Variants in DACH1 observed in about 807,000 individuals in gnomAD.
The protein encoded by DACH1 is dachshund homolog 1.
In DACH1, 12 loss-of-function variants were observed where a neutral mutation model predicts 54.2. That is an observed-to-expected ratio of 0.22 (90% CI 0.14 to 0.36). The LOEUF (loss-of-function observed/expected upper bound fraction) is 0.36. Ranked by LOEUF, DACH1 falls within the 10% of genes least tolerant of loss-of-function variation. The probability of loss-of-function intolerance (pLI) is 1.00; values close to 1 mark genes in which losing one functional copy is unlikely to be tolerated. For synonymous variants in DACH1, 386 were observed against 366.2 expected, an observed-to-expected ratio of 1.05 and a Z score of -0.62; for missense variants, 805 against 929.8, an observed-to-expected ratio of 0.87 and a Z score of 1.75.
chr13:71,506,813 C>A lies in DACH1; in HGVS notation c.1571-17665G>T, dbSNP rs575561364. Among the ~76,000 whole-genome samples the A allele has an allele frequency of 2.0e-5, 3 of 151,704 alleles. No individual in the cohort carries two copies. In the South Asian group the frequency reaches 6.3e-4, roughly 32 times the overall value. On this transcript the variant is annotated intron_variant, in intron 6 of 10. Coordinates refer to ENST00000613252, the MANE Select transcript of DACH1 (RefSeq NM_080759.6). ...AAAAACAAGCAATGGGGAAAGGATT[C>A]CCTATTTAATAAATGGTGCTGGGAA...
At chr13:71,816,186 A>T (rs990335013) in intron 1 of DACH1, among the ~76,000 whole-genome samples, 2 of 152,210 alleles carry the variant, frequency 1.3e-5, no homozygotes, top group African/African-American at 4.8e-5. Flanking sequence ...TCAAAGAGGA[A>T]AATATAATAC....
At chr13:71,544,820 G>A (rs1362340227) in intron 6 of DACH1, among the ~76,000 whole-genome samples, 1 of 152,056 alleles carries the variant, frequency 6.6e-6, no homozygotes, top group Admixed American at 6.6e-5. Context: ...CAGATTCACT[G>A]TCCACCCTCT....
At chr13:71,626,430 C>T (rs1452907004) in intron 3 of DACH1, among the ~76,000 whole-genome samples, 2 of 151,860 alleles carry the variant, frequency 1.3e-5, no homozygotes, top group South Asian at 2.1e-4. Context: ...TTGGGTTCAC[C>T]GGTTTTAAAT....
At chr13:71,679,064 T>C (rs1470869806) in intron 2 of DACH1, among the ~76,000 whole-genome samples, 1 of 152,178 alleles carries the variant, frequency 6.6e-6, no homozygotes, top group East Asian at 1.9e-4. Context: ...AATGCTTAGC[T>C]TGACAGAAGT....
chr13:71,722,527 C>T (rs776744089), intron 1 of DACH1, among the ~76,000 whole-genome samples: 7 of 152,106 alleles, frequency 4.6e-5, no homozygotes, highest in African/African-American at 7.2e-5. Context: ...GATAATAATA[C>T]TTGAAAACTA....
At chr13:71,469,894 G>A (rs941174438) in intron 10 of DACH1, among the ~76,000 whole-genome samples, 6 of 152,106 alleles carry the variant, frequency 3.9e-5, no homozygotes, top group Non-Finnish European at 2.9e-5. Flanking sequence ...AGTCAAAAAA[G>A]AAGAAAAAGC....
chr13:71,559,685 A>T, intron 5 of DACH1, 135 bp downstream of exon 5: 1 of 1,099,158 alleles, frequency 9.1e-7, no homozygotes, highest in Non-Finnish European at 1.3e-6. Context: ...CATAATTTTG[A>T]GAGATGGCTA....
chr13:71,678,683 G>T (rs1474177304), intron 2 of DACH1, among the ~76,000 whole-genome samples: 3 of 150,414 alleles, frequency 2.0e-5, no homozygotes, highest in Non-Finnish European at 4.4e-5. Flanking sequence ...TTCAGACAGG[G>T]TCTCTTTCTG....
intron 6 of DACH1, among the ~76,000 whole-genome samples, chr13:71,518,460 T>C (rs1033455245): frequency 7.9e-5 from 12 of 151,978 alleles, no homozygotes; most frequent in South Asian, 6.2e-4. Context: ...AACAAACTAA[T>C]ATAGTAAAAT....
At chr13:71,614,461 C>T (rs938126084) in intron 3 of DACH1, among the ~76,000 whole-genome samples, 3 of 151,830 alleles carry the variant, frequency 2.0e-5, no homozygotes, top group Non-Finnish European at 4.4e-5. Flanking sequence ...GAAAAAAAAC[C>T]CAAATTTCAG....
intron 1 of DACH1, among the ~76,000 whole-genome samples, chr13:71,855,185 G>A (rs1017662067): frequency 1.3e-5 from 2 of 151,728 alleles, no homozygotes; most frequent in African/African-American, 4.8e-5. Flanking sequence ...TTATCCAAAT[G>A]GTTTATTCAA....
intron 2 of DACH1, among the ~76,000 whole-genome samples, chr13:71,668,237 C>G (rs1294018766): frequency 6.6e-6 from 1 of 151,686 alleles, no homozygotes; most frequent in Non-Finnish European, 1.5e-5. Flanking sequence ...TAAATTAAAC[C>G]CAAAATAATA....
Position 71,559,853 on chromosome 13 carries a change from G to A in DACH1, c.1402C>T (p.Pro468Ser). 6.2e-7 allele frequency: 1 copy of A among 1,613,688 alleles called. No homozygotes were observed. The highest frequency in any genetic ancestry group is 8.5e-7 in the Non-Finnish European group (1 of 1,179,886). ...TCAGAAGAGCTCTCAGTCCGAGCAG[G>A]GGAGCTGGACACGCTGCTGCTGCGA... ...SHRSSSVSSSPARTESSSDRI... is the reference protein window; with the variant it reads ...SHRSSSVSSSSARTESSSDRI... The change falls in exon 5 of 11, where the codon CCT becomes TCT. Residue 468 changes from proline to serine, a missense_variant. Pro to Ser is a moderately conservative substitution (Grantham distance 74). This residue lies in a region of DACH1 where 472 missense variants were observed against 545.3 expected (regional missense o/e 0.87). Coordinates refer to ENST00000613252, the MANE Select transcript of DACH1 (RefSeq NM_080759.6).
At chr13:71,470,803 C>T (rs1227970482) in intron 10 of DACH1, among the ~76,000 whole-genome samples, 1 of 152,190 alleles carries the variant, frequency 6.6e-6, no homozygotes, top group African/African-American at 2.4e-5. Context: ...GTGCCAGATA[C>T]TCTCTCAGAC....
intron 3 of DACH1, among the ~76,000 whole-genome samples, chr13:71,578,003 G>A (rs1265704204): frequency 6.6e-6 from 1 of 152,046 alleles, no homozygotes; most frequent in Non-Finnish European, 1.5e-5. Context: ...ATTTTAGATA[G>A]AAGACACATA....
At chr13:71,777,737 T>C (rs1031478168) in intron 1 of DACH1, among the ~76,000 whole-genome samples, 2 of 152,120 alleles carry the variant, frequency 1.3e-5, no homozygotes, top group Non-Finnish European at 2.9e-5. Context: ...TTGCTAACCT[T>C]TGTCAGACGT....
intron 3 of DACH1, among the ~76,000 whole-genome samples, chr13:71,619,340 G>T (rs1428907667): frequency 6.6e-6 from 1 of 151,776 alleles, no homozygotes; most frequent in African/African-American, 2.4e-5. Context: ...AGTTTCAAAG[G>T]TCACTCTGTT....
At chr13:71,846,579 G>A (rs974206047) in intron 1 of DACH1, among the ~76,000 whole-genome samples, 19 of 152,200 alleles carry the variant, frequency 1.2e-4, no homozygotes, top group African/African-American at 4.3e-4. Flanking sequence ...GCAGTGAGCC[G>A]AGATGGCGCC....
chr13:71,667,409 T>C (rs1158771951), intron 2 of DACH1, among the ~76,000 whole-genome samples: 1 of 152,180 alleles, frequency 6.6e-6, no homozygotes, highest in Non-Finnish European at 1.5e-5. Context: ...GATGGGATGA[T>C]ACGCTAATGG....
Sources: allele counts gnomAD v4.1 joint callset (sites outside exome capture counted in the v4.1 genomes callset), GRCh38; gene constraint gnomAD v4.1.1; regional missense constraint gnomAD v4.1.1; transcripts MANE v1.5; gene names NCBI Gene and HGNC (gene_info 2026-07-23, HGNC 2026-07-21).